WNK1: variants seen among roughly 807,000 people sequenced by gnomAD.
The protein encoded by WNK1 is WNK lysine deficient protein kinase 1.
WNK1 carries 38 observed loss-of-function variants against 222.8 expected under a neutral mutation model. That is an observed-to-expected ratio of 0.17 (90% CI 0.13 to 0.22). The LOEUF is 0.22. Ranked by LOEUF, WNK1 falls within the 10% of genes least tolerant of loss-of-function variation. The pLI, the probability that WNK1 is intolerant of heterozygous loss-of-function variation, is 1.00. For missense variants in WNK1, 2,348 were observed against 2,918.4 expected (o/e 0.80, Z 4.50); for synonymous variants, 1,090 against 1,092.9 (o/e 1.00, Z 0.05).
chr12:884,555 G>T lies in WNK1; in HGVS notation c.3845-94G>T. The T allele has an allele frequency of 7.7e-7, 1 of 1,291,828 alleles. No homozygotes were observed. The highest frequency in any genetic ancestry group is 1.1e-6 in the Non-Finnish European group (1 of 905,784). 80.0% of individuals were successfully genotyped at this position (1,291,828 alleles called of 1,614,324 possible). On this transcript the variant is annotated intron_variant, in intron 18 of 27. Coordinates refer to ENST00000315939, the MANE Select transcript of WNK1 (RefSeq NM_018979.4). The surrounding 1 kb of genome is among the most constrained non-coding windows in gnomAD (Gnocchi z 5.6). ...TACTCCATATTTTTTATCAAAAACA[G>T]ATATTTATAGGAGCTGACTTAGGCT...
At chr12:775,253 T>C (rs1263128197) in intron 1 of WNK1, among the ~76,000 whole-genome samples, 1 of 152,280 alleles carries the variant, frequency 6.6e-6, no homozygotes, top group Non-Finnish European at 1.5e-5. Flanking sequence ...CCCTTATTTC[T>C]GTATTTACTA....
At chr12:846,462 C>T (rs187043420) in intron 4 of WNK1, among the ~76,000 whole-genome samples, 4 of 152,216 alleles carry the variant, frequency 2.6e-5, no homozygotes, top group East Asian at 1.9e-4. Flanking sequence ...CAGAGAGTAA[C>T]GAGCCTTGGG....
chr12:880,831 G>C lies in WNK1; in HGVS notation c.2943G>C (p.Pro981=), dbSNP rs72650706. The change falls in exon 12 of 28, where the codon CCG becomes CCC. Residue 981 remains proline (P), a synonymous_variant. Transcript: ENST00000315939. ...IHSTVLSPPM[P]TEVLATPGYF... ...CTACAGTCCTATCCCCTCCCATGCCGACAGAAGTACTGGCTACACCTGGGT... is the reference window on the plus strand; with the variant it reads ...CTACAGTCCTATCCCCTCCCATGCCCACAGAAGTACTGGCTACACCTGGGT... 1 of 1,613,960 alleles carries C rather than the reference G, an allele frequency of 6.2e-7. No individual in the cohort carries two copies. Among genetic ancestry groups the C allele is most frequent in the Non-Finnish European group, 8.5e-7 (1 of 1,180,008 alleles).
At chr12:894,465 CAT>C in intron 22 of WNK1, 95 bp from the exon 23 acceptor site, 1 of 1,021,212 alleles carries the variant, frequency 9.8e-7, no homozygotes, top group Non-Finnish European at 1.5e-6. Flanking sequence ...CAGCTTTCCT[CAT>C]GTGTAGTTTG....
intron 4 of WNK1, among the ~76,000 whole-genome samples, chr12:849,831 C>G (rs1269587741): frequency 1.3e-5 from 2 of 150,880 alleles, no homozygotes; most frequent in African/African-American, 4.9e-5. Flanking sequence ...GGTTTTTTGT[C>G]CTTGCGATAG....
At chr12:907,733 G>T in intron 26 of WNK1, 114 bp from the exon 27 acceptor site, 4 of 1,287,718 alleles carry the variant, frequency 3.1e-6, no homozygotes, top group Non-Finnish European at 4.5e-6. Context: ...TGGCTTCCCA[G>T]TTCATCCTCT....
chr12:858,027 C>T (rs555176069), intron 5 of WNK1, among the ~76,000 whole-genome samples: 1 of 152,280 alleles, frequency 6.6e-6, no homozygotes, highest in Admixed American at 6.5e-5. Context: ...TTTCACCTCT[C>T]CAGTCTCGTT....
chr12:801,457 GTGTGTGTA>G (rs1945867117), intron 1 of WNK1, among the ~76,000 whole-genome samples: 1 of 143,256 alleles, frequency 7.0e-6, no homozygotes, highest in Non-Finnish European at 1.6e-5. Flanking sequence ...GTGTGTGTGT[GTGTGTGTA>G]GTGGCACGAT....
intron 1 of WNK1, among the ~76,000 whole-genome samples, chr12:778,191 C>T (rs968950909): frequency 3.9e-5 from 6 of 152,104 alleles, no homozygotes; most frequent in African/African-American, 1.4e-4. Context: ...AGGCTACTCC[C>T]TTATACTACT....
intron 4 of WNK1, among the ~76,000 whole-genome samples, chr12:837,974 T>G (rs976758547): frequency 6.6e-6 from 1 of 152,208 alleles, no homozygotes; most frequent in Admixed American, 6.5e-5. Context: ...TAATATGTGG[T>G]CTTTTATTAC....
chr12:879,717 C>G lies in WNK1; in HGVS notation c.2518C>G (p.Pro840Ala), dbSNP rs774909645. ...CCCTACTCCCTTGCTCCCTCAGTAC[C>G]CTGTCTCTCAGATTCCCATATCAAC... ...PLPTPLLPQY[P>A]VSQIPISTPH... The change falls in exon 11 of 28, where the codon CCT becomes GCT. Residue 840 changes from proline to alanine, a missense_variant. By Grantham distance (27) the Pro-to-Ala change is conservative (BLOSUM62 -1). Coordinates refer to ENST00000315939, the MANE Select transcript of WNK1 (RefSeq NM_018979.4). 1.9e-6 allele frequency: 3 copies of G among 1,613,906 alleles called. No individual in the cohort carries two copies. Among genetic ancestry groups the G allele is most frequent in the Non-Finnish European group, 2.5e-6 (3 of 1,179,984 alleles).
chr12:773,254 A>G (rs1434356042), intron 1 of WNK1, among the ~76,000 whole-genome samples: 1 of 151,608 alleles, frequency 6.6e-6, no homozygotes, highest in Admixed American at 6.6e-5. Context: ...GCAAAACTCC[A>G]TCTCAAAAAA....
chr12:893,946 G>A (rs1954515273), intron 22 of WNK1, among the ~76,000 whole-genome samples: 1 of 150,508 alleles, frequency 6.6e-6, no homozygotes, highest in Non-Finnish European at 1.5e-5. Flanking sequence ...GGCTGGACAT[G>A]GTGATTCACA....
intron 11 of WNK1, 87 bp from the exon 12 acceptor site, chr12:880,633 TC>T (rs572757714): frequency 1.5e-6 from 2 of 1,297,578 alleles, no homozygotes; most frequent in Non-Finnish European, 2.2e-6. Context: ...GCTGTGTGCT[TC>T]TTTTTTTTTT....
In WNK1 at chr12:753,641, A is replaced by G. The variant is rs977121307; in HGVS notation, c.76A>G (p.Lys26Glu). 7 of 1,612,442 alleles carry G rather than the reference A, an allele frequency of 4.3e-6. No homozygotes were observed. In the African/African-American group the frequency reaches 5.3e-5, roughly 12 times the overall value. ...CCTCTCGCCGCCGGCTCCTGCCCCC[A>G]AGAATGGCTCCAGCTCCGATTCCTC... ...LFLSPPAPAPKNGSSSDSSVG... is the reference protein window; with the variant it reads ...LFLSPPAPAPENGSSSDSSVG... Residue 26 changes from lysine to glutamate, a missense_variant, in exon 1 of 28, where the codon AAG becomes GAG. Coordinates refer to ENST00000315939, the MANE Select transcript of WNK1 (RefSeq NM_018979.4). This position sits in a 1 kb window ranked among gnomAD's most constrained non-coding sequence, Gnocchi z 5.2.
chr12:773,609 G>C (rs1049956657), intron 1 of WNK1, among the ~76,000 whole-genome samples: 3 of 152,260 alleles, frequency 2.0e-5, no homozygotes, highest in Non-Finnish European at 4.4e-5. Context: ...ATGTTTGCCT[G>C]TTCCTCCCTC....
chr12:790,177 G>T (rs1944700308), intron 1 of WNK1, among the ~76,000 whole-genome samples: 1 of 152,234 alleles, frequency 6.6e-6, no homozygotes. Flanking sequence ...AAGTAAGATA[G>T]TCTTGAGGGT....
chr12:808,588 G>T (rs1023851461), intron 1 of WNK1, among the ~76,000 whole-genome samples: 2 of 151,730 alleles, frequency 1.3e-5, no homozygotes, highest in Non-Finnish European at 2.9e-5. Context: ...CCAAGTCCCA[G>T]GTATTTTGGA....
At chr12:842,959 G>A (rs1032247627) in intron 4 of WNK1, among the ~76,000 whole-genome samples, 6 of 151,846 alleles carry the variant, frequency 4.0e-5, no homozygotes, top group Non-Finnish European at 7.4e-5. Flanking sequence ...TTTTGGAGAC[G>A]GAGTCTCTCG....
Sources: gnomAD v4.1 joint callset for allele counts (sites outside exome capture counted in the v4.1 genomes callset) on GRCh38, gnomAD v4.1.1 for gene constraint, Gnocchi (gnomAD v3.1) non-coding constraint, MANE v1.5 for transcripts, NCBI Gene and HGNC (gene_info 2026-07-23, HGNC 2026-07-21) for gene names.